Variants in EYS observed in about 807,000 individuals in gnomAD.
EYS encodes EGF-like photoreceptor maintenance factor, also known as protein eyes shut homolog.
A neutral mutation model predicts 282.1 loss-of-function variants in EYS; 250 were observed. The ratio of observed to expected loss-of-function variants is 0.89; its 90% confidence interval spans 0.80 to 0.98. The LOEUF (loss-of-function observed/expected upper bound fraction) is 0.98, where lower values mean the gene tolerates loss of function less well. Among genes scored for constraint, EYS ranks in the 50% least tolerant of loss-of-function variants. The pLI is 0.00. For missense variants in EYS, 4,016 were observed against 3,709.0 expected, an observed-to-expected ratio of 1.08 and a Z score of -2.15; for synonymous variants, 1,355 against 1,282.9, an observed-to-expected ratio of 1.06 and a Z score of -1.20.
At position 65,706,076 on chromosome 6, in the gene EYS, T is replaced by C. The variant is rs1316299268; in HGVS notation, c.-448+1059A>G. Among the ~76,000 whole-genome samples the C allele has an allele frequency of 3.3e-5, 5 of 151,814 alleles. No homozygotes were observed. The South Asian group carries it at 1.0e-3, about 32-fold the overall frequency. On this transcript the variant is annotated intron_variant, in intron 1 of 42. Coordinates refer to ENST00000503581, the MANE Select transcript of EYS (RefSeq NM_001142800.2). Reference sequence around the variant, plus strand: ...AAAATTAATGGCAAAATAATATATATCAATATGTTGCATGCTTCAATATTC... The same window carrying C: ...AAAATTAATGGCAAAATAATATATACCAATATGTTGCATGCTTCAATATTC...
chr6:63,750,030 TCTG>T (rs1170762809), intron 41 of EYS, among the ~76,000 whole-genome samples: 2 of 152,240 alleles, frequency 1.3e-5, no homozygotes, highest in South Asian at 4.1e-4. Flanking sequence ...TCAGATCAAG[TCTG>T]CTGTTAAACC....
At chr6:64,438,785 C>G (rs1001772623) in intron 27 of EYS, among the ~76,000 whole-genome samples, 5 of 151,598 alleles carry the variant, frequency 3.3e-5, no homozygotes, top group African/African-American at 1.2e-4. Flanking sequence ...CTTAAGAACA[C>G]TCTCTTGTCT....
At chr6:64,447,497 T>C (rs1255230723) in intron 26 of EYS, among the ~76,000 whole-genome samples, 3 of 152,142 alleles carry the variant, frequency 2.0e-5, no homozygotes, top group Non-Finnish European at 2.9e-5. Context: ...TTATATTATA[T>C]GAAAATGTTT....
At chr6:64,682,252 C>A (rs1769928229) in intron 22 of EYS, among the ~76,000 whole-genome samples, 1 of 152,106 alleles carries the variant, frequency 6.6e-6, no homozygotes, top group Non-Finnish European at 1.5e-5. Flanking sequence ...CCTGTAGTCC[C>A]AGCTACTCCG....
intron 8 of EYS, among the ~76,000 whole-genome samples, chr6:65,370,973 G>A (rs114431483): frequency 6.7e-4 from 101 of 151,872 alleles, no homozygotes; most frequent in Middle Eastern, 6.8e-3. Flanking sequence ...GTTGTAAACT[G>A]GGAAGCCAGA....
chr6:65,248,931 T>C (rs2150281467), intron 12 of EYS, among the ~76,000 whole-genome samples: 1 of 152,136 alleles, frequency 6.6e-6, no homozygotes, highest in African/African-American at 2.4e-5. Flanking sequence ...TAGGCAAGTT[T>C]GCCAATGGCT....
At chr6:64,375,087 TAGTC>T (rs1248657126) in intron 29 of EYS, among the ~76,000 whole-genome samples, 1 of 152,204 alleles carries the variant, frequency 6.6e-6, no homozygotes, top group African/African-American at 2.4e-5. Context: ...ATAAATATCT[TAGTC>T]AGAAAGTAAC....
chr6:64,078,017 A>G (rs1410773986), intron 32 of EYS, among the ~76,000 whole-genome samples: 1 of 151,970 alleles, frequency 6.6e-6, no homozygotes, highest in Non-Finnish European at 1.5e-5. Context: ...TTCAAGTTTT[A>G]TCTTCCTTTT....
chr6:64,098,316 A>G (rs1322526778), intron 31 of EYS, among the ~76,000 whole-genome samples: 2 of 152,200 alleles, frequency 1.3e-5, no homozygotes, highest in Non-Finnish European at 2.9e-5. Context: ...AAGGAATACT[A>G]TAGAGCAGGG....
At chr6:64,465,732 T>A (rs1484926682) in intron 26 of EYS, among the ~76,000 whole-genome samples, 4 of 143,934 alleles carry the variant, frequency 2.8e-5, no homozygotes, top group African/African-American at 2.5e-5. Context: ...GCCAAAAAAG[T>A]AAAAAAAAAA....
rs543845981 is a variant in EYS at position 65,393,260 on chromosome 6, CA to C, written c.1185-8761del. ...GTGGGTGCAGCGCACCAGCATGGCA[CA>C]TGTATACATACGTAACTAACCTGTA... On this transcript the variant is annotated intron_variant, in intron 7 of 42. Coordinates refer to ENST00000503581, the MANE Select transcript of EYS (RefSeq NM_001142800.2). Among the ~76,000 whole-genome samples the C allele has an allele frequency of 1.0e-3, 155 of 152,228 alleles. 1 individual carries two copies. The highest frequency in any genetic ancestry group is 3.6e-3 in the African/African-American group (151 of 41,544).
At chr6:64,074,257 A>G (rs1771687883) in intron 32 of EYS, among the ~76,000 whole-genome samples, 2 of 151,534 alleles carry the variant, frequency 1.3e-5, no homozygotes, top group Non-Finnish European at 3.0e-5. Flanking sequence ...AGATTCCAGT[A>G]TCTAAATGTC....
intron 12 of EYS, among the ~76,000 whole-genome samples, chr6:65,189,546 G>A (rs1285017122): frequency 3.3e-4 from 50 of 151,644 alleles, no homozygotes; most frequent in Non-Finnish European, 7.4e-5. Flanking sequence ...ATAAAATAAA[G>A]CAAAATCAGC....
chr6:64,903,360 C>G (rs959952660), intron 16 of EYS, among the ~76,000 whole-genome samples: 5 of 151,956 alleles, frequency 3.3e-5, no homozygotes, highest in African/African-American at 1.2e-4. Context: ...TGCAATCAGG[C>G]TAATTTAGTT....
chr6:64,129,710 C>T (rs531834332), intron 31 of EYS, among the ~76,000 whole-genome samples: 2 of 152,204 alleles, frequency 1.3e-5, no homozygotes, highest in East Asian at 3.9e-4. Context: ...TTGTCCATGC[C>T]TATGTCCTGA....
intron 2 of EYS, among the ~76,000 whole-genome samples, chr6:65,630,437 G>C (rs1428046559): frequency 6.6e-6 from 1 of 152,160 alleles, no homozygotes; most frequent in African/African-American, 2.4e-5. Context: ...TTTCTTAATA[G>C]AGCATTTTTC....
intron 14 of EYS, among the ~76,000 whole-genome samples, chr6:64,987,041 T>G (rs1286810251): frequency 6.6e-6 from 1 of 151,498 alleles, no homozygotes; most frequent in African/African-American, 2.4e-5. Context: ...GTCTATATCC[T>G]TAGGAAAAGA....
chr6:64,227,992 C>T (rs1436166933), intron 31 of EYS, among the ~76,000 whole-genome samples: 4 of 152,058 alleles, frequency 2.6e-5, no homozygotes, highest in Admixed American at 6.6e-5. Flanking sequence ...GAAATTTACA[C>T]TTAAATTTCA....
intron 33 of EYS, among the ~76,000 whole-genome samples, chr6:64,012,804 A>T (rs77392807): frequency 0.021 from 3,267 of 152,314 alleles, 98 homozygotes; most frequent in African/African-American, 0.064. Context: ...CACGCATAAA[A>T]GCCACAGTGT....
Sources: allele counts gnomAD v4.1 joint callset (sites outside exome capture counted in the v4.1 genomes callset), GRCh38; gene constraint gnomAD v4.1.1; transcripts MANE v1.5; gene names NCBI Gene and HGNC (gene_info 2026-07-23, HGNC 2026-07-21).